Variants in CSRNP3 observed in about 807,000 individuals in gnomAD.
The protein encoded by CSRNP3 is cysteine and serine rich nuclear protein 3.
A neutral mutation model predicts 48.0 loss-of-function variants in CSRNP3; 12 were observed. The ratio of observed to expected loss-of-function variants is 0.25; its 90% confidence interval spans 0.16 to 0.41. The LOEUF (loss-of-function observed/expected upper bound fraction) is 0.41, where lower values mean the gene tolerates loss of function less well. Among genes scored for constraint, CSRNP3 ranks in the 10% least tolerant of loss-of-function variants. CSRNP3 has a pLI of 1.00. For missense variants in CSRNP3, 580 were observed against 724.4 expected (o/e 0.80, Z 2.29); for synonymous variants, 263 against 269.7 (o/e 0.98, Z 0.24).
chr2:165,602,349 G>A (rs1374588517), intron 4 of CSRNP3, among the ~76,000 whole-genome samples: 1 of 152,094 alleles, frequency 6.6e-6, no homozygotes, highest in African/African-American at 2.4e-5. Flanking sequence ...TAAATTAAGA[G>A]GTTCCCAGAC....
chr2:165,640,980 T>C (rs1194726908), intron 4 of CSRNP3, among the ~76,000 whole-genome samples: 1 of 152,198 alleles, frequency 6.6e-6, no homozygotes, highest in Non-Finnish European at 1.5e-5. Flanking sequence ...ATGGTAAGCA[T>C]ACAAATAAAA....
At position 165,666,158 on chromosome 2, in the gene CSRNP3, A is replaced by AAGAG. The variant is rs142924898; in HGVS notation, c.408+8148_408+8151dup. 1.8e-5 allele frequency among the ~76,000 whole-genome samples: 2 copies of AAGAG among 112,066 alleles called. 1 individual carries two copies. The highest frequency in any genetic ancestry group is 3.8e-5 in the Non-Finnish European group (2 of 52,280). 73.5% of individuals were successfully genotyped at this position (112,066 alleles called of 152,430 possible). A position where few individuals can be genotyped will look rare whatever the true frequency, so the allele number is the denominator to read the frequency against. On this transcript the variant is annotated intron_variant, in intron 5 of 6. Coordinates refer to ENST00000651982, the MANE Select transcript of CSRNP3 (RefSeq NM_001172173.2). Reference sequence around the variant, plus strand: ...GGAAGGAAGGAAAGAGAGAGGAAGAAAGAGAGAGAGAGAAAGGAAGGAAGG... The same window carrying AAGAG: ...GGAAGGAAGGAAAGAGAGAGGAAGAAAGAGAGAGAGAGAGAGAAAGGAAGGAAGG...
At chr2:165,624,262 A>T (rs1453585328) in intron 4 of CSRNP3, among the ~76,000 whole-genome samples, 1 of 152,186 alleles carries the variant, frequency 6.6e-6, no homozygotes, top group African/African-American at 2.4e-5. Context: ...TGAAGGTAAA[A>T]TAGACTCAGA....
At chr2:165,519,583 A>T (rs1283783705) in intron 3 of CSRNP3, among the ~76,000 whole-genome samples, 1 of 152,184 alleles carries the variant, frequency 6.6e-6, no homozygotes, top group African/African-American at 2.4e-5. Flanking sequence ...CAGTGAAGAG[A>T]TCCCTTGCCT....
chr2:165,521,854 G>A (rs1447128704), intron 3 of CSRNP3, among the ~76,000 whole-genome samples: 1 of 152,076 alleles, frequency 6.6e-6, no homozygotes, highest in African/African-American at 2.4e-5. Context: ...GGCATTGACC[G>A]ATGTCCCCTC....
At chr2:165,574,205 T>C (rs1685412795) in intron 3 of CSRNP3, 2 of 563,894 alleles carry the variant, frequency 3.5e-6, no homozygotes, top group African/African-American at 3.9e-5. Flanking sequence ...TGCCTGAGCC[T>C]TATGCAAATG....
intron 2 of CSRNP3, among the ~76,000 whole-genome samples, chr2:165,516,472 C>T (rs1379789024): frequency 1.3e-5 from 2 of 151,962 alleles, no homozygotes; most frequent in Non-Finnish European, 2.9e-5. Context: ...ACTCTCACCA[C>T]AAAAATGATA....
intron 3 of CSRNP3, among the ~76,000 whole-genome samples, chr2:165,527,095 G>T (rs1247216611): frequency 2.6e-5 from 4 of 151,664 alleles, no homozygotes; most frequent in African/African-American, 4.9e-5. Flanking sequence ...ATTAAATAAA[G>T]GTGTTTTCAC....
chr2:165,523,598 C>A (rs1313509757), intron 3 of CSRNP3, among the ~76,000 whole-genome samples: 1 of 152,136 alleles, frequency 6.6e-6, no homozygotes, highest in African/African-American at 2.4e-5. Context: ...ACATTGTTAA[C>A]TACATTTTTC....
At chr2:165,614,811 T>A (rs900480255) in intron 4 of CSRNP3, among the ~76,000 whole-genome samples, 1 of 152,230 alleles carries the variant, frequency 6.6e-6, no homozygotes, top group Non-Finnish European at 1.5e-5. Context: ...ATTTCTTCAC[T>A]GACCTAATAA....
At chr2:165,567,984 G>C (rs539831424) in intron 3 of CSRNP3, among the ~76,000 whole-genome samples, 2 of 152,048 alleles carry the variant, frequency 1.3e-5, no homozygotes, top group Non-Finnish European at 2.9e-5. Flanking sequence ...TTTCATTAAT[G>C]CTCTTTTGGA....
chr2:165,521,351 G>A (rs1314966241), intron 3 of CSRNP3, among the ~76,000 whole-genome samples: 1 of 152,154 alleles, frequency 6.6e-6, no homozygotes, highest in African/African-American at 2.4e-5. Context: ...TCTGGTTGAG[G>A]ACAACTGAAA....
intron 3 of CSRNP3, among the ~76,000 whole-genome samples, chr2:165,575,215 A>C (rs1456770853): frequency 6.6e-6 from 1 of 152,160 alleles, no homozygotes. Context: ...CATCATAGGA[A>C]AGTCTGTCCT....
intron 3 of CSRNP3, among the ~76,000 whole-genome samples, chr2:165,538,002 G>A (rs1196931311): frequency 6.6e-6 from 1 of 151,784 alleles, no homozygotes; most frequent in African/African-American, 2.4e-5. Context: ...GGACAGATGA[G>A]AAAAGTAAAA....
intron 5 of CSRNP3, among the ~76,000 whole-genome samples, chr2:165,661,939 GGAA>G (rs1394914840): frequency 6.6e-6 from 1 of 152,102 alleles, no homozygotes; most frequent in East Asian, 1.9e-4. Flanking sequence ...CCCCAAAACA[GGAA>G]GAAGAAGTTC....
intron 3 of CSRNP3, among the ~76,000 whole-genome samples, chr2:165,552,169 A>G (rs1366427549): frequency 6.6e-6 from 1 of 152,224 alleles, no homozygotes; most frequent in African/African-American, 2.4e-5. Context: ...GTGTGGCTCA[A>G]GTGGAAATTT....
intron 1 of CSRNP3, among the ~76,000 whole-genome samples, chr2:165,474,005 T>C (rs16850741): frequency 0.19 from 29,458 of 152,036 alleles, 3,568 homozygotes; most frequent in East Asian, 0.34. Flanking sequence ...GAAAAGAAGA[T>C]AAGCATGCAT....
rs75366274 is a variant in CSRNP3 at position 165,672,517 on chromosome 2, C to A, written c.409-3795C>A. Among the ~76,000 whole-genome samples the A allele has an allele frequency of 6.9e-3, 1,050 of 152,268 alleles. 9 individuals carry two copies. Among genetic ancestry groups the A allele is most frequent in the African/African-American group, 0.023 (946 of 41,560 alleles). On this transcript the variant is annotated intron_variant, in intron 5 of 6. Coordinates refer to ENST00000651982, the MANE Select transcript of CSRNP3 (RefSeq NM_001172173.2). ...TATGGTGAGAAAAGTATGGGAAAAA[C>A]CACCCCCATGATTCAATTATTTCCT... is the stretch of plus-strand genomic sequence containing the variant.
chr2:165,559,125 A>G (rs1351141574), intron 3 of CSRNP3, among the ~76,000 whole-genome samples: 1 of 152,154 alleles, frequency 6.6e-6, no homozygotes, highest in African/African-American at 2.4e-5. Flanking sequence ...AAAGCAAATT[A>G]GTTTGCCTGT....
Sources: gnomAD v4.1 joint callset for allele counts (sites outside exome capture counted in the v4.1 genomes callset) on GRCh38, gnomAD v4.1.1 for gene constraint, MANE v1.5 for transcripts, NCBI Gene and HGNC (gene_info 2026-07-23, HGNC 2026-07-21) for gene names.